PRKX: variants seen among roughly 807,000 people sequenced by gnomAD.
PRKX encodes protein kinase cAMP-dependent X-linked catalytic subunit.
A neutral mutation model predicts 22.0 loss-of-function variants in PRKX; 12 were observed. That is an observed-to-expected ratio of 0.54 (90% confidence interval 0.35 to 0.88). The LOEUF is 0.88. Among genes scored for constraint, PRKX ranks in the 40% least tolerant of loss-of-function variants. The pLI is 0.01. For missense variants in PRKX, 217 were observed against 308.0 expected, an observed-to-expected ratio of 0.70 and a Z score of 2.21; for synonymous variants, 134 against 137.7, an observed-to-expected ratio of 0.97 and a Z score of 0.19.
At chrX:3,677,420 G>A (rs1177118781) in intron 1 of PRKX, among the ~76,000 whole-genome samples, 1 of 103,012 alleles carries the variant, frequency 9.7e-6, no homozygotes, top group African/African-American at 3.6e-5. Flanking sequence ...GCCTTGACCT[G>A]CCAGGCTCAA....
chrX:3,638,937 T>C (rs1170744698), intron 4 of PRKX, among the ~76,000 whole-genome samples: 6 of 102,535 alleles, frequency 5.9e-5, no homozygotes, highest in Non-Finnish European at 1.2e-4. Flanking sequence ...AATACATAGA[T>C]AACAGGTAGG....
chrX:3,631,105 A>T (rs774781225), intron 4 of PRKX, among the ~76,000 whole-genome samples: 22 of 112,266 alleles, frequency 2.0e-4, no homozygotes, highest in Non-Finnish European at 4.1e-4. Flanking sequence ...ACCCTCATTG[A>T]TTATCAGAAA....
intron 1 of PRKX, among the ~76,000 whole-genome samples, chrX:3,676,717 C>G (rs1326928933): frequency 8.9e-6 from 1 of 111,758 alleles, no homozygotes; most frequent in Non-Finnish European, 1.9e-5. Context: ...CCACCCAAGT[C>G]TAATCTTGAA....
intron 7 of PRKX, among the ~76,000 whole-genome samples, 169 bp from the exon 8 acceptor site, chrX:3,612,494 A>G (rs915540115): frequency 1.7e-4 from 19 of 111,978 alleles, no homozygotes; most frequent in African/African-American, 5.8e-4. Context: ...GAATTAAAAT[A>G]TTGTGAATGA....
chrX:3,623,984 A>G (rs1170075232), intron 5 of PRKX, among the ~76,000 whole-genome samples: 1 of 112,157 alleles, frequency 8.9e-6, no homozygotes, highest in East Asian at 2.8e-4. Context: ...TAAAAGTTGC[A>G]GGAACCAACA....
intron 5 of PRKX, among the ~76,000 whole-genome samples, chrX:3,622,650 C>T (rs768269469): frequency 9.0e-6 from 1 of 111,660 alleles, no homozygotes; most frequent in Non-Finnish European, 1.9e-5. Context: ...CAGACTTCAC[C>T]GCTTCTCTGC....
chrX:3,685,001 G>C (rs1035132447), intron 1 of PRKX, among the ~76,000 whole-genome samples: 2 of 111,032 alleles, frequency 1.8e-5, no homozygotes, highest in African/African-American at 6.6e-5. Context: ...ATTTTTAGTA[G>C]AGATGGGGTT....
intron 3 of PRKX, among the ~76,000 whole-genome samples, chrX:3,646,186 G>C: frequency 9.0e-6 from 1 of 110,671 alleles, no homozygotes; most frequent in Non-Finnish European, 1.9e-5. Context: ...CAGCTACTCC[G>C]GAGGCTGAGG....
At chrX:3,621,855 A>G (rs755244008) in intron 5 of PRKX, among the ~76,000 whole-genome samples, 1 of 111,283 alleles carries the variant, frequency 9.0e-6, no homozygotes, top group African/African-American at 3.3e-5. Context: ...GCAGGTGGGG[A>G]GGTTGGGCAT....
chrX:3,660,785 G>A (rs747632292), intron 2 of PRKX, among the ~76,000 whole-genome samples: 31 of 111,389 alleles, frequency 2.8e-4, no homozygotes, highest in Non-Finnish European at 4.5e-4. Context: ...TCTCAGGTTC[G>A]GTCACTTGGC....
At chrX:3,654,073 A>G (rs1169629065) in intron 3 of PRKX, among the ~76,000 whole-genome samples, 5 of 84,879 alleles carry the variant, frequency 5.9e-5, no homozygotes, top group Admixed American at 3.4e-4. Context: ...AATATACTAT[A>G]TAATATATAT....
At chrX:3,611,481 C>T (rs1326898559) in intron 8 of PRKX, 4 of 112,096 alleles carry the variant, frequency 3.6e-5, no homozygotes, top group Non-Finnish European at 7.5e-5. Context: ...GCCATATAAC[C>T]GAGCAATTTA....
chrX:3,713,221 C>T lies in PRKX; in HGVS notation c.33G>A (p.Ala11=). 9.3e-7 allele frequency: 1 copy of T among 1,070,314 alleles called. No individual in the cohort carries two copies. The highest frequency in any genetic ancestry group is 4.0e-5 in the East Asian group (1 of 25,026). The allele number at this position is 1,070,314 out of a possible 1,213,427, so 88.2% of individuals were successfully genotyped here. A position where few individuals can be genotyped will look rare whatever the true frequency, so the allele number is the denominator to read the frequency against. The stretch of plus-strand genomic sequence containing the variant: ...CCACCTTGCGGGAGTCGCTCTCCGC[C>T]GCGGCCGCCTGGGCCAGCCCGGGCG... MEAPGLAQAA[A]AESDSRKVAE... is the part of the protein sequence containing the mutation. The change falls in exon 1 of 9, where the codon GCG becomes GCA. Residue 11 remains alanine (A), a synonymous_variant. Coordinates refer to ENST00000262848, the MANE Select transcript of PRKX (RefSeq NM_005044.5).
chrX:3,619,916 A>G (rs1005488153), intron 6 of PRKX, among the ~76,000 whole-genome samples: 4 of 111,568 alleles, frequency 3.6e-5, no homozygotes, highest in African/African-American at 1.3e-4. Flanking sequence ...CTCCATGTAT[A>G]AGTCCCTCTG....
chrX:3,625,916 C>T (rs1402237134), intron 5 of PRKX, among the ~76,000 whole-genome samples: 5 of 111,930 alleles, frequency 4.5e-5, no homozygotes, highest in Non-Finnish European at 9.4e-5. Context: ...CCTACTGCCA[C>T]GACCTTTATA....
At chrX:3,698,940 G>C (rs1224715424) in intron 1 of PRKX, among the ~76,000 whole-genome samples, 1 of 104,264 alleles carries the variant, frequency 9.6e-6, no homozygotes, top group Non-Finnish European at 1.9e-5. Context: ...CCACACACTC[G>C]CCCACCATCC....
In PRKX at chrX:3,608,431, T is replaced by C. The variant is rs1255031893; in HGVS notation, c.*538A>G. ...ATGATTTTTTTTAATGCATGCAACA[T>C]ACCCTTCAGATGTTGTCCCCGAGAA... On this transcript the variant is annotated 3_prime_UTR_variant, in exon 9 of 9. Transcript: ENST00000262848. The C allele has an allele frequency of 9.1e-6, 1 of 109,899 alleles. No individual in the cohort carries two copies. Among genetic ancestry groups the C allele is most frequent in the Non-Finnish European group, 1.9e-5 (1 of 52,762 alleles). 9.1% of individuals were successfully genotyped at this position (109,899 alleles called of 1,213,427 possible).
chrX:3,708,310 T>C (rs1221803899), intron 1 of PRKX, among the ~76,000 whole-genome samples: 7 of 111,118 alleles, frequency 6.3e-5, no homozygotes, highest in Non-Finnish European at 1.3e-4. Context: ...TGTGAATAAA[T>C]GTCTGTGGTT....
At chrX:3,615,752 G>A in intron 7 of PRKX, 63 bp downstream of exon 7, 2 of 927,844 alleles carry the variant, frequency 2.2e-6, no homozygotes, top group Non-Finnish European at 3.0e-6. Context: ...CCAGGATTCA[G>A]AGGCAGTCCC....
Sources: gnomAD v4.1 joint callset for allele counts (sites outside exome capture counted in the v4.1 genomes callset) on GRCh38, gnomAD v4.1.1 for gene constraint, MANE v1.5 for transcripts, NCBI Gene and HGNC (gene_info 2026-07-23, HGNC 2026-07-21) for gene names.